Variants in SASH1 observed in about 807,000 individuals in gnomAD.
SASH1 encodes SAM and SH3 domain-containing protein 1.
SASH1 carries 44 observed loss-of-function variants against 125.2 expected under a neutral mutation model. The ratio of observed to expected loss-of-function variants is 0.35; its 90% CI spans 0.28 to 0.45. The LOEUF is 0.45. Among genes scored for constraint, SASH1 ranks in the 20% least tolerant of loss-of-function variants. The pLI, the probability that SASH1 is intolerant of heterozygous loss-of-function variation, is 1.00. For missense variants in SASH1, 1,426 were observed against 1,614.5 expected, an observed-to-expected ratio of 0.88 and a Z score of 2.00; for synonymous variants, 639 against 649.1, an observed-to-expected ratio of 0.98 and a Z score of 0.24.
chr6:148,193,707 G>A, the SASH1 span, among the ~76,000 whole-genome samples: 1 of 152,168 alleles, frequency 6.6e-6, no homozygotes, highest in Non-Finnish European at 1.5e-5. Context: ...AAGATGAAAG[G>A]GGAATTTATA....
chr6:148,219,413 A>G, the SASH1 span, among the ~76,000 whole-genome samples: 1 of 152,054 alleles, frequency 6.6e-6, no homozygotes, highest in Non-Finnish European at 1.5e-5. Flanking sequence ...CATTTCCCCT[A>G]TGATCAAAGT....
At chr6:148,373,007 C>T in intron 1 of SASH1, among the ~76,000 whole-genome samples, 1 of 152,084 alleles carries the variant, frequency 6.6e-6, no homozygotes, top group East Asian at 1.9e-4. Context: ...CCAGCCTCAA[C>T]ATGGAGAAAC....
chr6:148,310,290 C>T (rs1780265950), intron 1 of SASH1, among the ~76,000 whole-genome samples: 1 of 152,058 alleles, frequency 6.6e-6, no homozygotes, highest in African/African-American at 2.4e-5. Flanking sequence ...ACACTGCACT[C>T]CAGCTGGGCG....
chr6:148,525,494 A>G (rs190988854), intron 11 of SASH1, 129 bp downstream of exon 11: 7 of 766,454 alleles, frequency 9.1e-6, no homozygotes, highest in East Asian at 2.5e-5. Context: ...TCACGTTTGG[A>G]AAAAAGCTCT....
chr6:148,294,244 A>G (rs567615763), intron 1 of SASH1, among the ~76,000 whole-genome samples: 1 of 152,362 alleles, frequency 6.6e-6, no homozygotes, highest in East Asian at 1.9e-4. Context: ...GGCAGACAAG[A>G]ATTCAAATGA....
intron 17 of SASH1, among the ~76,000 whole-genome samples, 184 bp from the exon 18 acceptor site, chr6:148,543,496 A>C (rs1472338483): frequency 1.3e-5 from 2 of 152,212 alleles, no homozygotes; most frequent in Non-Finnish European, 2.9e-5. Flanking sequence ...CTTTCTAAAA[A>C]TAAAAATGGA....
At chr6:148,326,345 T>C (rs1562326167) in intron 1 of SASH1, among the ~76,000 whole-genome samples, 8 of 89,048 alleles carry the variant, frequency 9.0e-5, no homozygotes, top group African/African-American at 3.5e-4. Flanking sequence ...TATATATATA[T>C]ATATATATAT....
In SASH1 at chr6:148,302,311, CAAAAAAAAAAAAA is replaced by C. The variant is rs1174644909; in HGVS notation, n.74+29952_74+29964del. ...TGGGCGACAGAGCAAGACTCCGTCT[CAAAAAAAAAAAAA>C]AAAAAAAAAAAAAAAAACTAGTAAT... On this transcript the variant is annotated intron_variant and non_coding_transcript_variant, in intron 1 of 3. Transcript: ENST00000367469. 1.3e-4 allele frequency among the ~76,000 whole-genome samples: 6 copies of C among 44,888 alleles called. No individual in the cohort carries two copies. The East Asian group carries it at 6.2e-3, about 46-fold the overall frequency. 29.4% of individuals were successfully genotyped at this position (44,888 alleles called of 152,430 possible).
intron 1 of SASH1, among the ~76,000 whole-genome samples, chr6:148,363,276 G>A (rs891658836): frequency 2.0e-5 from 3 of 152,124 alleles, no homozygotes; most frequent in African/African-American, 4.8e-5. Flanking sequence ...TGTTAGGGAC[G>A]GAGTGATTGA....
At chr6:148,310,940 G>A (rs971629258) in intron 1 of SASH1, among the ~76,000 whole-genome samples, 2 of 151,940 alleles carry the variant, frequency 1.3e-5, no homozygotes, top group Non-Finnish European at 2.9e-5. Flanking sequence ...TGTTTGTTTT[G>A]CTTTGTTTTG....
At chr6:148,439,882 A>G (rs566750697) in intron 2 of SASH1, among the ~76,000 whole-genome samples, 5 of 152,344 alleles carry the variant, frequency 3.3e-5, no homozygotes, top group African/African-American at 1.2e-4. Flanking sequence ...GTATATCCAC[A>G]GAATTATTTC....
rs374098905 is a variant in SASH1 at position 148,445,813 on chromosome 6, C to G, written c.386+5406C>G. ...TTCCAGTGTGTGCCACTCATTTCCT[C>G]GTGCAGCAGCTGTTTGCTGACCAAC... On this transcript the variant is annotated intron_variant, in intron 4 of 19. Transcript: ENST00000367467. Among the ~76,000 whole-genome samples, 64 of 152,260 alleles carry G rather than the reference C, an allele frequency of 4.2e-4. 1 individual carries two copies. The highest frequency in any genetic ancestry group is 1.5e-3 in the African/African-American group (61 of 41,556).
chr6:148,298,644 A>AG (rs1230861596), intron 1 of SASH1, among the ~76,000 whole-genome samples: 1,608 of 107,820 alleles, frequency 0.015, 35 homozygotes, highest in South Asian at 0.023. Flanking sequence ...GAAAGAAGGA[A>AG]GGAAGGGAGG....
At position 148,474,459 on chromosome 6, in the gene SASH1, T is replaced by G. The variant is rs368368566; in HGVS notation, c.627+237T>G. On this transcript the variant is annotated intron_variant, in intron 7 of 19. Transcript: ENST00000367467. ...CTGTGGACCACATTAATGAGGAAAA[T>G]GGCCTTCTGAATGCAGCTGCAAAAT... is the stretch of plus-strand genomic sequence containing the variant. 5.3e-5 allele frequency among the ~76,000 whole-genome samples: 8 copies of G among 152,340 alleles called. No homozygotes were observed. In the East Asian group the frequency reaches 1.4e-3, roughly 26 times the overall value.
In SASH1 at chr6:148,319,022, C is replaced by CTTTTTTTTTTTTTTTTTTTT. The variant is rs10695657; in HGVS notation, n.74+46654_74+46673dup. On this transcript the variant is annotated intron_variant and non_coding_transcript_variant, in intron 1 of 3. Transcript: ENST00000367469. Reference sequence around the variant, plus strand: ...ATATGGAAGAAGCCGCATTTATCTTCTTTTTTTTTTTTTTTTTTTTTTTTT... The same window carrying CTTTTTTTTTTTTTTTTTTTT: ...ATATGGAAGAAGCCGCATTTATCTTCTTTTTTTTTTTTTTTTTTTTTTTTTTTTTTTTTTTTTTTTTTTTT... Among the ~76,000 whole-genome samples, 16 of 66,648 alleles carry CTTTTTTTTTTTTTTTTTTTT rather than the reference C, an allele frequency of 2.4e-4. 4 individuals are homozygous for CTTTTTTTTTTTTTTTTTTTT. Among genetic ancestry groups the CTTTTTTTTTTTTTTTTTTTT allele is most frequent in the Non-Finnish European group, 2.7e-4 (10 of 36,546 alleles). 43.7% of individuals were successfully genotyped at this position (66,648 alleles called of 152,430 possible).
chr6:148,399,521 C>G (rs973948246), intron 2 of SASH1, among the ~76,000 whole-genome samples: 4 of 152,098 alleles, frequency 2.6e-5, no homozygotes, highest in African/African-American at 4.8e-5. Flanking sequence ...GCTTCTTTTT[C>G]TCTTGCTCCT....
intron 4 of SASH1, among the ~76,000 whole-genome samples, chr6:148,465,607 G>A (rs1777798007): frequency 6.6e-6 from 1 of 151,822 alleles, no homozygotes; most frequent in Admixed American, 6.6e-5. Context: ...AATACATATG[G>A]GGCTCCCTGT....
At chr6:148,261,239 T>C in the SASH1 span, among the ~76,000 whole-genome samples, 3 of 152,164 alleles carry the variant, frequency 2.0e-5, no homozygotes, top group African/African-American at 7.2e-5. Flanking sequence ...CCCTCACACC[T>C]CTGCATTGTA....
the SASH1 span, among the ~76,000 whole-genome samples, chr6:148,198,124 A>G: frequency 0.02 from 3,106 of 152,250 alleles, 57 homozygotes; most frequent in Non-Finnish European, 0.031. Context: ...TGCTGCAATC[A>G]CAGGCATGAG....
Sources: allele counts gnomAD v4.1 joint callset (sites outside exome capture counted in the v4.1 genomes callset), GRCh38; gene constraint gnomAD v4.1.1; transcripts MANE v1.5; gene names NCBI Gene and HGNC (gene_info 2026-07-23, HGNC 2026-07-21).